KLHL32: variants seen among roughly 807,000 people sequenced by gnomAD.
KLHL32 encodes kelch-like protein 32.
KLHL32 carries 35 observed loss-of-function variants against 64.8 expected under a neutral mutation model. That is an observed-to-expected ratio of 0.54 (90% confidence interval 0.41 to 0.72). KLHL32 has a LOEUF of 0.72. KLHL32 is among the 30% of genes least tolerant of loss of function. The pLI, the probability that KLHL32 is intolerant of heterozygous loss-of-function variation, is 0.00. For missense variants in KLHL32, 589 were observed against 768.5 expected, an observed-to-expected ratio of 0.77 and a Z score of 2.76; for synonymous variants, 259 against 281.0, an observed-to-expected ratio of 0.92 and a Z score of 0.78.
chr6:97,046,340 G>A lies in KLHL32; in HGVS notation c.312+4741G>A, dbSNP rs140269890. Among the ~76,000 whole-genome samples, 85 of 152,262 alleles carry A rather than the reference G, an allele frequency of 5.6e-4. 1 individual carries two copies. In the East Asian group the frequency reaches 0.01, roughly 18 times the overall value. On this transcript the variant is annotated intron_variant, in intron 4 of 10. Transcript: ENST00000369261. ...ATATTTTGGCCCAATTAGTCAAACC[G>A]AGTCCTACTAATTTCAAGTCTGTTG... is the stretch of plus-strand genomic sequence containing the variant.
At chr6:96,950,218 C>T (rs565020529) in intron 1 of KLHL32, among the ~76,000 whole-genome samples, 103 of 149,294 alleles carry the variant, frequency 6.9e-4, no homozygotes, top group African/African-American at 2.4e-3. Context: ...TCTGAAATTT[C>T]TACATTTGTG....
chr6:97,009,941 C>A (rs1323011985), intron 3 of KLHL32, among the ~76,000 whole-genome samples: 1 of 151,908 alleles, frequency 6.6e-6, no homozygotes, highest in East Asian at 1.9e-4. Flanking sequence ...GACTGAGGGG[C>A]ATTGTCAGTG....
chr6:97,086,199 T>A (rs1793389529), intron 6 of KLHL32, among the ~76,000 whole-genome samples: 1 of 152,200 alleles, frequency 6.6e-6, no homozygotes, highest in African/African-American at 2.4e-5. Context: ...AAATTTAAAG[T>A]CTTCTATTAG....
intron 5 of KLHL32, among the ~76,000 whole-genome samples, chr6:97,066,089 A>G (rs960097210): frequency 2.0e-5 from 3 of 152,222 alleles, no homozygotes; most frequent in Non-Finnish European, 4.4e-5. Context: ...GGAATCATGT[A>G]GAAAGGTTAT....
intron 6 of KLHL32, among the ~76,000 whole-genome samples, chr6:97,111,038 G>T (rs58452727): frequency 3.9e-5 from 6 of 152,192 alleles, no homozygotes; most frequent in East Asian, 1.9e-4. Context: ...CTTGGGGGGG[G>T]GGGGTCTTAG....
intron 4 of KLHL32, among the ~76,000 whole-genome samples, chr6:97,061,891 C>T (rs1438874870): frequency 6.6e-6 from 1 of 152,162 alleles, no homozygotes; most frequent in African/African-American, 2.4e-5. Context: ...CAAAGAGCAA[C>T]AAAGCTGAAT....
chr6:97,099,329 A>C (rs1044909667), intron 6 of KLHL32, among the ~76,000 whole-genome samples: 1 of 152,072 alleles, frequency 6.6e-6, no homozygotes. Flanking sequence ...GGGCCTGCTC[A>C]TGGGGCCCAG....
At chr6:96,992,892 T>C (rs1473769793) in intron 3 of KLHL32, among the ~76,000 whole-genome samples, 1 of 152,242 alleles carries the variant, frequency 6.6e-6, no homozygotes, top group Non-Finnish European at 1.5e-5. Context: ...TCTCCCTCAG[T>C]ACCAAGTTGT....
chr6:97,057,655 G>A (rs900505585), intron 4 of KLHL32, among the ~76,000 whole-genome samples: 2 of 151,228 alleles, frequency 1.3e-5, no homozygotes, highest in Admixed American at 6.7e-5. Flanking sequence ...TTTAGCAGAT[G>A]TATCTGTTGC....
intron 7 of KLHL32, among the ~76,000 whole-genome samples, chr6:97,126,946 T>C (rs1004357392): frequency 6.6e-5 from 10 of 152,226 alleles, no homozygotes; most frequent in Non-Finnish European, 1.3e-4. Flanking sequence ...TAGATATTTT[T>C]TGATAAGTAA....
chr6:96,904,339 C>CAAAAAAAAAAAAAA, the KLHL32 span, among the ~76,000 whole-genome samples: 6 of 106,062 alleles, frequency 5.7e-5, no homozygotes, highest in Middle Eastern at 4.5e-3. Flanking sequence ...AAGACTTTGT[C>CAAAAAAAAAAAAAA]AAAAAAAAAA....
At chr6:97,015,077 C>A (rs761090759) in intron 3 of KLHL32, among the ~76,000 whole-genome samples, 6 of 152,154 alleles carry the variant, frequency 3.9e-5, no homozygotes, top group Non-Finnish European at 7.3e-5. Flanking sequence ...CTGCTGCCTT[C>A]TGAAGAAGGT....
chr6:97,062,738 C>T (rs1357060702), intron 4 of KLHL32, among the ~76,000 whole-genome samples: 1 of 152,144 alleles, frequency 6.6e-6, no homozygotes, highest in Non-Finnish European at 1.5e-5. Context: ...TAGACTAAGT[C>T]CCTGCTCTCC....
chr6:96,922,794 A>G (rs151215379), upstream of KLHL32, among the ~76,000 whole-genome samples: 42 of 152,332 alleles, frequency 2.8e-4, 1 homozygote, highest in East Asian at 7.7e-3. Flanking sequence ...AAACTGCAAC[A>G]TATGTTTGTG....
chr6:97,098,141 C>G (rs961936339), intron 6 of KLHL32, among the ~76,000 whole-genome samples: 1 of 152,056 alleles, frequency 6.6e-6, no homozygotes, highest in Non-Finnish European at 1.5e-5. Flanking sequence ...AGGCTAAAAA[C>G]GATACAGACA....
chr6:96,903,758 C>T, the KLHL32 span, among the ~76,000 whole-genome samples: 1 of 152,138 alleles, frequency 6.6e-6, no homozygotes, highest in East Asian at 1.9e-4. Context: ...TGGTTAAATT[C>T]AACACCCATT....
At chr6:96,957,612 G>T (rs923061905) in intron 1 of KLHL32, among the ~76,000 whole-genome samples, 2 of 152,042 alleles carry the variant, frequency 1.3e-5, no homozygotes, top group Non-Finnish European at 2.9e-5. Flanking sequence ...TGTTATAATT[G>T]CAGGTTAGGT....
At chr6:97,127,949 AC>A (rs1799047094) in intron 8 of KLHL32, among the ~76,000 whole-genome samples, 1 of 152,180 alleles carries the variant, frequency 6.6e-6, no homozygotes, top group African/African-American at 2.4e-5. Context: ...TGGTGCCTGT[AC>A]CTTCTTTTGT....
intron 1 of KLHL32, among the ~76,000 whole-genome samples, chr6:96,950,071 A>G (rs1245286978): frequency 6.6e-6 from 1 of 152,122 alleles, no homozygotes; most frequent in Non-Finnish European, 1.5e-5. Context: ...TTTTAAAGTG[A>G]TATTAATTTA....
Sources: allele counts gnomAD v4.1 joint callset (sites outside exome capture counted in the v4.1 genomes callset), GRCh38; gene constraint gnomAD v4.1.1; transcripts MANE v1.5; gene names NCBI Gene and HGNC (gene_info 2026-07-23, HGNC 2026-07-21).